Variants in PCDH11Y observed in about 807,000 individuals in gnomAD.
PCDH11Y encodes the protein protocadherin-11 Y-linked.
For missense variants in PCDH11Y, 12 were observed against 224.8 expected (o/e 0.05, Z 6.05); for synonymous variants, 9 against 83.6 (o/e 0.11, Z 4.87).
intron 1 of PCDH11Y, among the ~76,000 whole-genome samples, chrY:5,004,222 G>C: frequency 9.2e-5 from 3 of 32,517 alleles, no homozygotes; most frequent in Non-Finnish European, 2.3e-4. Context: ...GCTAAGGGTT[G>C]AAATAAACTG....
exon 5 of PCDH11Y, chrY:5,740,384 T>C (rs2053616125): frequency 3.0e-5 from 1 of 32,823 alleles, no homozygotes; most frequent in Non-Finnish European, 7.5e-5. Flanking sequence ...TTCCTATAGA[T>C]ATAGGAATGA....
At chrY:5,091,789 TG>T (rs2052741616) in intron 1 of PCDH11Y, among the ~76,000 whole-genome samples, 37 of 32,549 alleles carry the variant, frequency 1.1e-3, no homozygotes, top group African/African-American at 4.0e-3. Context: ...AAAACAAAGT[TG>T]GGGGAAGTAC....
intron 2 of PCDH11Y, among the ~76,000 whole-genome samples, chrY:5,201,916 T>A: frequency 6.0e-5 from 2 of 33,506 alleles, no homozygotes; most frequent in Non-Finnish European, 7.4e-5. Context: ...ACTAGCTAAT[T>A]TTCTTTATTG....
At chrY:5,075,387 C>G in intron 1 of PCDH11Y, among the ~76,000 whole-genome samples, 1 of 33,119 alleles carries the variant, frequency 3.0e-5, no homozygotes, top group Non-Finnish European at 7.5e-5. Context: ...AATGGGACAT[C>G]CATTCCCTCA....
chrY:5,664,054 T>C (rs2124707521), intron 4 of PCDH11Y, among the ~76,000 whole-genome samples: 1 of 32,440 alleles, frequency 3.1e-5, no homozygotes, highest in East Asian at 8.0e-4. Context: ...GGAAAACTGG[T>C]ATGAATACAA....
chrY:5,157,594 A>T, intron 2 of PCDH11Y, among the ~76,000 whole-genome samples: 1 of 33,128 alleles, frequency 3.0e-5, no homozygotes, highest in East Asian at 8.1e-4. Flanking sequence ...GTAGCTAAAT[A>T]TTTCACCTCA....
At chrY:5,603,919 GAAA>G (rs2053476281) in intron 4 of PCDH11Y, among the ~76,000 whole-genome samples, 1 of 25,908 alleles carries the variant, frequency 3.9e-5, no homozygotes, top group African/African-American at 1.5e-4. Context: ...AAGAAAGAAA[GAAA>G]GAAAAGAAAG....
intron 2 of PCDH11Y, among the ~76,000 whole-genome samples, chrY:5,482,233 G>A (rs1602932046): frequency 9.3e-5 from 3 of 32,336 alleles, no homozygotes; most frequent in Non-Finnish European, 2.3e-4. Flanking sequence ...TCTTGACCTC[G>A]TGATCCGCCC....
intron 4 of PCDH11Y, among the ~76,000 whole-genome samples, chrY:5,632,940 C>T (rs2053513517): frequency 3.1e-5 from 1 of 32,369 alleles, no homozygotes; most frequent in African/African-American, 1.2e-4. Flanking sequence ...AAATTATATA[C>T]CAGGAAATTC....
At chrY:5,013,005 G>A in intron 1 of PCDH11Y, among the ~76,000 whole-genome samples, 1 of 30,687 alleles carries the variant, frequency 3.3e-5, no homozygotes, top group Non-Finnish European at 7.8e-5. Context: ...GCCCGCCACT[G>A]CGCCTGGCTA....
intron 2 of PCDH11Y, among the ~76,000 whole-genome samples, chrY:5,123,912 G>A: frequency 3.1e-5 from 1 of 32,635 alleles, no homozygotes; most frequent in African/African-American, 1.2e-4. Flanking sequence ...ACTTAGGCTC[G>A]CCAGGCATAC....
intron 1 of PCDH11Y, among the ~76,000 whole-genome samples, chrY:5,004,512 G>A (rs2052537155): frequency 3.0e-5 from 1 of 33,865 alleles, no homozygotes; most frequent in South Asian, 7.0e-4. Flanking sequence ...TTTTCTCTGC[G>A]CAAGCAGTCC....
chrY:5,186,800 C>T, intron 2 of PCDH11Y, among the ~76,000 whole-genome samples: 1 of 28,997 alleles, frequency 3.4e-5, no homozygotes, highest in Admixed American at 3.2e-4. Flanking sequence ...TTCCAACAGT[C>T]CTCCAATGCC....
rs1602895305 is a variant in PCDH11Y at position 5,261,246 on chromosome Y, G to A, written c.3129+160539G>A. On this transcript the variant is annotated intron_variant, in intron 2 of 4. Coordinates refer to the PCDH11Y transcript ENST00000400457. ...TAAATTGGAACCAGTAGAGAGGTGC[G>A]CTGCTGAAAAGATACCCGAAAATGT... Among the ~76,000 whole-genome samples, 9 of 33,262 alleles carry A rather than the reference G, an allele frequency of 2.7e-4. No individual in the cohort carries two copies. In the East Asian group the frequency reaches 7.3e-3, roughly 27 times the overall value. The allele number at this position is 33,262 out of a possible 37,273, so 89.2% of individuals were successfully genotyped here.
intron 2 of PCDH11Y, among the ~76,000 whole-genome samples, chrY:5,367,769 GATAT>G: frequency 3.5e-5 from 1 of 28,371 alleles, no homozygotes; most frequent in East Asian, 9.9e-4. Flanking sequence ...CATACACATT[GATAT>G]ATATACACCA....
At chrY:5,014,192 A>G in intron 1 of PCDH11Y, among the ~76,000 whole-genome samples, 1 of 31,152 alleles carries the variant, frequency 3.2e-5, no homozygotes, top group African/African-American at 1.2e-4. Flanking sequence ...AAATTTTTCT[A>G]TTCTTAAAAT....
intron 3 of PCDH11Y, among the ~76,000 whole-genome samples, chrY:5,046,370 A>T (rs1602848806): frequency 3.0e-5 from 1 of 33,174 alleles, no homozygotes; most frequent in Non-Finnish European, 7.5e-5. Context: ...AGTACCCTGC[A>T]GTGTGAGGTG....
chrY:5,049,618 T>C, intron 3 of PCDH11Y, among the ~76,000 whole-genome samples: 1 of 28,996 alleles, frequency 3.4e-5, no homozygotes, highest in African/African-American at 1.4e-4. Flanking sequence ...TGGATTGCAG[T>C]TGAGCGATCT....
intron 2 of PCDH11Y, chrY:5,338,065 G>C: frequency 2.9e-6 from 1 of 343,026 alleles, no homozygotes; most frequent in Non-Finnish European, 4.3e-6. Flanking sequence ...CATGCATGGC[G>C]GAGACAGTGA....
Sources: allele counts gnomAD v4.1 joint callset (sites outside exome capture counted in the v4.1 genomes callset), GRCh38; gene constraint gnomAD v4.1.1; transcripts MANE v1.5; gene names NCBI Gene and HGNC (gene_info 2026-07-23, HGNC 2026-07-21).